Variants in KIFAP3 observed in about 807,000 individuals in gnomAD.
The protein encoded by KIFAP3 is kinesin-associated protein 3.
Under a neutral mutation model 106.5 loss-of-function variants are expected in KIFAP3, and 68 were observed. The observed-to-expected ratio is 0.64, with a 90% CI of 0.53 to 0.78. The LOEUF (loss-of-function observed/expected upper bound fraction) is 0.78. Ranked by LOEUF, KIFAP3 falls within the 30% of genes least tolerant of loss-of-function variation. KIFAP3 has a pLI of 0.00. For missense variants in KIFAP3, 780 were observed against 941.8 expected (o/e 0.83, Z 2.25); for synonymous variants, 320 against 311.5 (o/e 1.03, Z -0.29).
At chr1:170,009,361 A>G (rs1668132369) in intron 10 of KIFAP3, among the ~76,000 whole-genome samples, 1 of 152,202 alleles carries the variant, frequency 6.6e-6, no homozygotes. Flanking sequence ...AGTGTGAATA[A>G]ACTCAAAAAT....
chr1:170,064,214 TCTTC>T (rs1434878291), intron 1 of KIFAP3, among the ~76,000 whole-genome samples: 1 of 152,216 alleles, frequency 6.6e-6, no homozygotes, highest in Non-Finnish European at 1.5e-5. Context: ...TCATTTCTTC[TCTTC>T]CTATCTTTAT....
chr1:170,023,689 A>T (rs1392174346), intron 9 of KIFAP3, among the ~76,000 whole-genome samples: 1 of 152,080 alleles, frequency 6.6e-6, no homozygotes, highest in Non-Finnish European at 1.5e-5. Flanking sequence ...CTTTTTAATG[A>T]CATGGTAAAA....
intron 19 of KIFAP3, among the ~76,000 whole-genome samples, chr1:169,944,593 C>A (rs1310680158): frequency 1.3e-5 from 2 of 152,074 alleles, no homozygotes; most frequent in Non-Finnish European, 2.9e-5. Context: ...GTTCTTGTTT[C>A]CCATCCAGGA....
chr1:169,989,936 A>G, intron 11 of KIFAP3: 1 of 1,001,754 alleles, frequency 1.0e-6, no homozygotes, highest in Non-Finnish European at 1.4e-6. Flanking sequence ...CATGCATTTA[A>G]TAATTCTTTT....
chr1:170,050,431 C>T (rs966605081), intron 2 of KIFAP3, among the ~76,000 whole-genome samples: 16 of 152,138 alleles, frequency 1.1e-4, no homozygotes, highest in Non-Finnish European at 4.4e-5. Flanking sequence ...AGGATATTAT[C>T]CAGGAGAGCC....
intron 3 of KIFAP3, chr1:170,041,603 T>TC: frequency 1.6e-6 from 2 of 1,220,626 alleles, no homozygotes; most frequent in Non-Finnish European, 2.3e-6. Flanking sequence ...CGGAGATGAG[T>TC]CCAAGTGGCT....
intron 2 of KIFAP3, among the ~76,000 whole-genome samples, chr1:170,050,921 A>G (rs553306827): frequency 6.6e-6 from 1 of 152,332 alleles, no homozygotes; most frequent in East Asian, 1.9e-4. Flanking sequence ...GACACTGAAG[A>G]AACTACATCA....
rs1327108209 is a variant in KIFAP3, at chr1:169,984,619, A to G, written c.1356T>C (p.Leu452=). 1 of 1,607,934 alleles carries G rather than the reference A, an allele frequency of 6.2e-7. No homozygotes were observed. The highest frequency in any genetic ancestry group is 8.5e-7 in the Non-Finnish European group (1 of 1,175,820). ...DLELISFCIN[L]AANKRNVQLI... ...GCTGTACATTTCTTTTGTTAGCAGC[A>G]AGATTAATGCAGAAAGAAATGAGTT... The change falls in exon 12 of 20, where the codon CTT becomes CTC. Residue 452 remains leucine (L), a synonymous_variant. Coordinates refer to ENST00000361580, the MANE Select transcript of KIFAP3 (RefSeq NM_014970.4).
chr1:170,004,856 T>C (rs1306483052), intron 10 of KIFAP3, among the ~76,000 whole-genome samples: 1 of 150,936 alleles, frequency 6.6e-6, no homozygotes, highest in Non-Finnish European at 1.5e-5. Context: ...AATTGACAAA[T>C]GGGATCTAAT....
chr1:169,947,823 A>G (rs1471944704), intron 19 of KIFAP3, among the ~76,000 whole-genome samples: 1 of 151,812 alleles, frequency 6.6e-6, no homozygotes, highest in African/African-American at 2.4e-5. Flanking sequence ...AGGAAAATTA[A>G]AAGTTCACTG....
At chr1:169,924,119 C>T (rs1199265750) in intron 19 of KIFAP3, among the ~76,000 whole-genome samples, 2 of 152,162 alleles carry the variant, frequency 1.3e-5, no homozygotes, top group African/African-American at 2.4e-5. Flanking sequence ...TTTCATTGTA[C>T]ATTAACAAAT....
chr1:170,050,903 C>A (rs367575304), intron 2 of KIFAP3, among the ~76,000 whole-genome samples: 1 of 151,998 alleles, frequency 6.6e-6, no homozygotes, highest in African/African-American at 2.4e-5. Flanking sequence ...CAAAATATAA[C>A]GACCAATGAC....
At chr1:170,029,793 T>G (rs995844928) in intron 8 of KIFAP3, among the ~76,000 whole-genome samples, 1 of 151,872 alleles carries the variant, frequency 6.6e-6, no homozygotes, top group Admixed American at 6.6e-5. Context: ...AAGTGATGGA[T>G]AGAACAAAAT....
intron 2 of KIFAP3, among the ~76,000 whole-genome samples, chr1:170,053,858 A>T (rs1249296963): frequency 6.6e-6 from 1 of 152,210 alleles, no homozygotes; most frequent in East Asian, 1.9e-4. Context: ...TGGATTAAAG[A>T]CTTAAATGTA....
chr1:170,046,876 T>C lies in KIFAP3; in HGVS notation c.165-10A>G. On this transcript the variant is annotated splice_polypyrimidine_tract_variant and intron_variant, in intron 2 of 19. Transcript: ENST00000361580. Reference sequence around the variant, plus strand: ...ACTCTTAAGTCGAATGCTGTAAGTATAACAGAATTTTTCAACTCACGTATT... The same window carrying C: ...ACTCTTAAGTCGAATGCTGTAAGTACAACAGAATTTTTCAACTCACGTATT... 6.4e-7 allele frequency: 1 copy of C among 1,566,338 alleles called. No individual in the cohort carries two copies. The highest frequency in any genetic ancestry group is 8.6e-7 in the Non-Finnish European group (1 of 1,156,138).
chr1:169,934,620 C>T (rs943178873), intron 19 of KIFAP3, among the ~76,000 whole-genome samples: 29 of 152,034 alleles, frequency 1.9e-4, no homozygotes, highest in Admixed American at 1.3e-3. Flanking sequence ...TTTCATTCTG[C>T]GATGTGTGTT....
intron 3 of KIFAP3, among the ~76,000 whole-genome samples, chr1:170,044,648 G>A (rs1055674701): frequency 6.6e-6 from 1 of 152,194 alleles, no homozygotes; most frequent in Non-Finnish European, 1.5e-5. Context: ...ATAAAATGGA[G>A]ATACTTTGTA....
intron 19 of KIFAP3, 49 bp from the exon 20 acceptor site, chr1:169,921,830 C>T (rs1662842928): frequency 7.4e-7 from 1 of 1,359,848 alleles, no homozygotes; most frequent in Admixed American, 1.8e-5. Flanking sequence ...ATCACACATC[C>T]ACAATGCAGA....
intron 10 of KIFAP3, among the ~76,000 whole-genome samples, chr1:170,011,710 C>G (rs1357856848): frequency 6.6e-6 from 1 of 151,866 alleles, no homozygotes; most frequent in African/African-American, 2.4e-5. Context: ...TTTTCTTGTC[C>G]TTTTCAAATT....
Sources: gnomAD v4.1 joint callset for allele counts (sites outside exome capture counted in the v4.1 genomes callset) on GRCh38, gnomAD v4.1.1 for gene constraint, MANE v1.5 for transcripts, NCBI Gene and HGNC (gene_info 2026-07-23, HGNC 2026-07-21) for gene names.